Variants in TMEM217 observed in about 807,000 individuals in gnomAD.
TMEM217 encodes the protein chromosome 6 open reading frame 128.
For synonymous variants in TMEM217, 76 were observed against 88.3 expected, an observed-to-expected ratio of 0.86 and a Z score of 0.78; for missense variants, 204 against 248.8, an observed-to-expected ratio of 0.82 and a Z score of 1.21.
chr6:37,226,101 A>G (rs1763807213), intron 1 of TMEM217, among the ~76,000 whole-genome samples: 2 of 152,218 alleles, frequency 1.3e-5, no homozygotes, highest in South Asian at 4.2e-4. Context: ...ACTGGGATCT[A>G]GCACCTCCTT....
At chr6:37,224,977 G>A (rs1028981320) in intron 1 of TMEM217, among the ~76,000 whole-genome samples, 3 of 149,818 alleles carry the variant, frequency 2.0e-5, no homozygotes, top group Non-Finnish European at 4.4e-5. Context: ...ACAGGAGTTC[G>A]AAACCAACCT....
At chr6:37,222,817 A>G (rs1434493666) in intron 1 of TMEM217, among the ~76,000 whole-genome samples, 1 of 152,240 alleles carries the variant, frequency 6.6e-6, no homozygotes, top group Non-Finnish European at 1.5e-5. Context: ...TTAACTCAGA[A>G]GGGGCCGGGC....
At chr6:37,218,164 G>A (rs1024326459) in exon 2 of TMEM217, 171 of 1,164,810 alleles carry the variant, frequency 1.5e-4, no homozygotes, top group Non-Finnish European at 1.7e-4. Flanking sequence ...GGATAAAGCT[G>A]CTAACTTTTT....
chr6:37,256,156 A>G (rs1765714865), intron 1 of TMEM217, among the ~76,000 whole-genome samples: 1 of 152,250 alleles, frequency 6.6e-6, no homozygotes, highest in Non-Finnish European at 1.5e-5. Flanking sequence ...AGTGGCAGGT[A>G]TCTTGTCACA....
chr6:37,248,290 C>A (rs1214963760), intron 1 of TMEM217, among the ~76,000 whole-genome samples: 2 of 151,978 alleles, frequency 1.3e-5, no homozygotes, highest in Admixed American at 6.6e-5. Flanking sequence ...TAGTTTAGTG[C>A]CAGGAATACA....
At chr6:37,245,859 G>T (rs1182736263) in intron 1 of TMEM217, among the ~76,000 whole-genome samples, 5 of 151,314 alleles carry the variant, frequency 3.3e-5, no homozygotes, top group Non-Finnish European at 1.5e-5. Flanking sequence ...GAGTGCAATG[G>T]CGCAATTTTG....
chr6:37,228,996 C>CAA (rs1227077967), intron 1 of TMEM217, among the ~76,000 whole-genome samples: 1 of 135,010 alleles, frequency 7.4e-6, no homozygotes, highest in Admixed American at 7.5e-5. Context: ...GACTCCGTCT[C>CAA]AAAAAAAAAA....
chr6:37,231,852 T>C (rs1335325975), intron 1 of TMEM217, among the ~76,000 whole-genome samples: 4 of 151,406 alleles, frequency 2.6e-5, no homozygotes, highest in African/African-American at 9.7e-5. Context: ...TCTTCCCACT[T>C]TCAGACCATT....
intron 1 of TMEM217, among the ~76,000 whole-genome samples, chr6:37,245,925 G>A (rs1281583844): frequency 6.6e-6 from 1 of 151,940 alleles, no homozygotes; most frequent in South Asian, 2.1e-4. Context: ...TCAGCCTCCC[G>A]AGTAGCTGTA....
chr6:37,250,162 A>G lies in TMEM217; in HGVS notation c.-12+7406T>C, dbSNP rs555682674. On this transcript the variant is annotated intron_variant, in intron 1 of 1. Transcript: ENST00000357219. ...GCAGGCAACAGAAGAATAGATGTAT[A>G]CAATATTATGTTACTTAAGGTTACA... Among the ~76,000 whole-genome samples, 3 of 152,356 alleles carry G rather than the reference A, an allele frequency of 2.0e-5. No individual in the cohort carries two copies. The South Asian group carries it at 6.2e-4, about 32-fold the overall frequency.
At chr6:37,241,030 A>G (rs1764739542) in intron 1 of TMEM217, among the ~76,000 whole-genome samples, 1 of 151,898 alleles carries the variant, frequency 6.6e-6, no homozygotes, top group South Asian at 2.1e-4. Flanking sequence ...TTTACTTAAT[A>G]TATTAATGTA....
At chr6:37,212,994 C>T (rs1762991564), downstream of TMEM217, 1 of 1,534,534 alleles carries the variant, frequency 6.5e-7, no homozygotes, top group South Asian at 1.2e-5. Flanking sequence ...ACCAGAGCAC[C>T]TCCTGCAGGA....
rs1425186846 is a variant in TMEM217 at position 37,219,058 on chromosome 6, C to T, written c.-11-17G>A. ...TGAGACCTCCTGTGAAGACAAACAACATGAGGGAGAATTCTAGTTCCTGCC... is the reference window on the plus strand; with the variant it reads ...TGAGACCTCCTGTGAAGACAAACAATATGAGGGAGAATTCTAGTTCCTGCC... On this transcript the variant is annotated splice_polypyrimidine_tract_variant and intron_variant, in intron 1 of 1. Coordinates refer to ENST00000357219, the Ensembl canonical transcript of TMEM217. 1 of 1,592,998 alleles carries T rather than the reference C, an allele frequency of 6.3e-7. No homozygotes were observed. The highest frequency in any genetic ancestry group is 8.6e-7 in the Non-Finnish European group (1 of 1,166,618).
chr6:37,244,368 T>C (rs1246556317), intron 1 of TMEM217, among the ~76,000 whole-genome samples: 1 of 152,234 alleles, frequency 6.6e-6, no homozygotes, highest in Non-Finnish European at 1.5e-5. Flanking sequence ...AACTGTAAAC[T>C]TCTTTCACAT....
chr6:37,245,224 G>A lies in TMEM217; in HGVS notation c.-12+12344C>T, dbSNP rs1037464190. ...GTTCAGAGGTTTTTCCTTACAGGGC[G>A]GTAGGTAGCCCCAACATCATAACAC... On this transcript the variant is annotated intron_variant, in intron 1 of 1. Coordinates refer to ENST00000357219, the Ensembl canonical transcript of TMEM217. Among the ~76,000 whole-genome samples the A allele has an allele frequency of 3.3e-5, 5 of 152,192 alleles. 1 individual carries two copies. The highest frequency in any genetic ancestry group is 2.4e-5 in the African/African-American group (1 of 41,460).
At chr6:37,236,367 C>A (rs1468522390) in intron 1 of TMEM217, among the ~76,000 whole-genome samples, 1 of 152,104 alleles carries the variant, frequency 6.6e-6, no homozygotes, top group Non-Finnish European at 1.5e-5. Flanking sequence ...CAGTTTAACC[C>A]TTTCTGAGTG....
intron 1 of TMEM217, among the ~76,000 whole-genome samples, chr6:37,251,057 A>G (rs1192719825): frequency 1.3e-5 from 2 of 152,258 alleles, no homozygotes; most frequent in Admixed American, 1.3e-4. Context: ...AGCAGGTGTT[A>G]TCTATGAACC....
At chr6:37,215,200 A>G (rs1763116929), downstream of TMEM217, 5 of 1,613,704 alleles carry the variant, frequency 3.1e-6, no homozygotes, top group East Asian at 4.5e-5. Context: ...ATACTCACTC[A>G]GCAGACATCT....
At chr6:37,250,289 G>A (rs1299124722) in intron 1 of TMEM217, among the ~76,000 whole-genome samples, 1 of 152,232 alleles carries the variant, frequency 6.6e-6, no homozygotes, top group East Asian at 1.9e-4. Flanking sequence ...CATAGGAAGG[G>A]ACCCCTAAGA....
Sources: gnomAD v4.1 joint callset for allele counts (sites outside exome capture counted in the v4.1 genomes callset) on GRCh38, gnomAD v4.1.1 for gene constraint, MANE v1.5 for transcripts, NCBI Gene and HGNC (gene_info 2026-07-23, HGNC 2026-07-21) for gene names.